The following ADGRB2 variants were observed in gnomAD, a reference collection of about 807,000 sequenced individuals.
ADGRB2 encodes the protein adhesion G protein-coupled receptor B2, also known as brain-specific angiogenesis inhibitor 2.
A neutral mutation model predicts 178.7 loss-of-function variants in ADGRB2; 47 were observed. The observed-to-expected ratio is 0.26, with a 90% CI of 0.21 to 0.34. The LOEUF (loss-of-function observed/expected upper bound fraction) is 0.34. Among genes scored for constraint, ADGRB2 ranks in the 10% least tolerant of loss-of-function variants. The pLI is 1.00. For missense variants in ADGRB2, 1,584 were observed against 2,180.8 expected (o/e 0.73, Z 5.45); for synonymous variants, 870 against 912.4 (o/e 0.95, Z 0.84).
At position 31,735,731 on chromosome 1, in the gene ADGRB2, C is replaced by T. The variant is rs1645569844; in HGVS notation, c.3268-66G>A. The T allele has an allele frequency of 1.3e-6, 2 of 1,575,054 alleles. No individual in the cohort carries two copies. The highest frequency in any genetic ancestry group is 2.7e-5 in the African/African-American group (2 of 74,308). ...CAGGTGCCCTCCTGGCAGGGAAATCCCCATGTGGGAGCTGGAGCGCAGGGA... is the reference window on the plus strand; with the variant it reads ...CAGGTGCCCTCCTGGCAGGGAAATCTCCATGTGGGAGCTGGAGCGCAGGGA... On this transcript the variant is annotated intron_variant, in intron 23 of 32. Transcript: ENST00000373658. The surrounding 1 kb of genome is among the most constrained non-coding windows in gnomAD (Gnocchi z 6.0).
At position 31,738,336 on chromosome 1, in the gene ADGRB2, G is replaced by A. The variant is rs962257500; in HGVS notation, c.2646-10C>T. 3.1e-6 allele frequency: 5 copies of A among 1,609,198 alleles called. No individual in the cohort carries two copies. The highest frequency in any genetic ancestry group is 4.2e-6 in the Non-Finnish European group (5 of 1,179,830). On this transcript the variant is annotated splice_polypyrimidine_tract_variant and intron_variant, in intron 17 of 32. Coordinates refer to ENST00000373658, the MANE Select transcript of ADGRB2 (RefSeq NM_001364857.2). ...TCCTGAGCTGGCATCTCTTGGGTAG[G>A]GGAGAGATTCAGTGAGCCCCAGGCC...
rs150789313 is a variant in ADGRB2, at chr1:31,755,402, C to G, written c.838+597G>C. 5.3e-3 allele frequency among the ~76,000 whole-genome samples: 814 copies of G among 152,260 alleles called. 8 individuals are homozygous for G. Among genetic ancestry groups the G allele is most frequent in the African/African-American group, 0.019 (781 of 41,552 alleles). On this transcript the variant is annotated intron_variant, in intron 4 of 32. Transcript: ENST00000373658. The surrounding 1 kb of genome is among the most constrained non-coding windows in gnomAD (Gnocchi z 5.1). ...GGGTCCTGAGGGGGAAGACGGGACACTGGGAGCTGAGCCAGCCCAGCCCTC... is the reference window on the plus strand; with the variant it reads ...GGGTCCTGAGGGGGAAGACGGGACAGTGGGAGCTGAGCCAGCCCAGCCCTC...
chr1:31,728,570 C>T lies in ADGRB2; in HGVS notation c.4416+28G>A. On this transcript the variant is annotated intron_variant, in intron 30 of 32. Transcript: ENST00000373658. This position sits in a 1 kb window ranked among gnomAD's most constrained non-coding sequence, Gnocchi z 6.7. ...GGACAGACACCACAGCCAGATGTCC[C>T]ACCGCCCAGCACACACATGGCCCTT... is the stretch of plus-strand genomic sequence containing the variant. 6.2e-7 allele frequency: 1 copy of T among 1,614,026 alleles called. No homozygotes were observed. The highest frequency in any genetic ancestry group is 1.1e-5 in the South Asian group (1 of 91,068).
rs1165459215 is a variant in ADGRB2, at chr1:31,742,981, C to G, written c.1109G>C (p.Trp370Ser). The G allele has an allele frequency of 6.6e-7, 1 of 1,523,932 alleles. No individual in the cohort carries two copies. The highest frequency in any genetic ancestry group is 8.8e-7 in the Non-Finnish European group (1 of 1,133,856). 94.4% of individuals were successfully genotyped at this position (1,523,932 alleles called of 1,614,324 possible). A position where few individuals can be genotyped will look rare whatever the true frequency, so the allele number is the denominator to read the frequency against. Residue 370 changes from tryptophan to serine, a missense_variant, in exon 7 of 33, where the codon TGG (tryptophan) becomes TCG (serine). Trp to Ser is a radical substitution (Grantham distance 177). This residue lies in a region of ADGRB2 where 657 missense variants were observed against 847.6 expected (regional missense o/e 0.78). Coordinates refer to ENST00000373658, the MANE Select transcript of ADGRB2 (RefSeq NM_001364857.2). ...GCGGGAGCACAGGCTCCAGGACCCC[C>G]ACTCCTCCCACACGCCGTGCACTGC... Reference protein sequence around the residue: ...TCPVHGVWEEWGSWSLCSRSC... With the variant: ...TCPVHGVWEESGSWSLCSRSC...
Position 31,755,920 on chromosome 1 carries a change from G to A in ADGRB2, c.838+79C>T, listed in dbSNP as rs1013272352. 55 of 1,525,628 alleles carry A rather than the reference G, an allele frequency of 3.6e-5. 1 individual carries two copies. The Middle Eastern group carries it at 5.6e-4, about 15-fold the overall frequency. 94.5% of individuals were successfully genotyped at this position (1,525,628 alleles called of 1,614,324 possible). On this transcript the variant is annotated intron_variant, in intron 4 of 32. Transcript: ENST00000373658. This position sits in a 1 kb window ranked among gnomAD's most constrained non-coding sequence, Gnocchi z 5.1. ...TCAGTGAACAGCTACATGCATGGCC[G>A]AGGATCTGCCAGGATGGACACCAGG...
chr1:31,750,613 C>T (rs1646516981), intron 4 of ADGRB2, among the ~76,000 whole-genome samples: 1 of 152,116 alleles, frequency 6.6e-6, no homozygotes, highest in Admixed American at 6.5e-5. Context: ...ACAAAGCAAT[C>T]GTCCCTTCCC....
chr1:31,731,361 G>A lies in ADGRB2; in HGVS notation c.3819C>T (p.Arg1273=). ...GCTCCTCATCCTCATCCAGGGACAG[G>A]CGGGATAGTGTGCCCGTGATGGTGG... ...NPSTITGTLS[R]LSLDEDEEPK... is the part of the protein sequence containing the mutation. Residue 1273 remains arginine (R), a synonymous_variant, in exon 29 of 33, where the codon CGC becomes CGT. Transcript: ENST00000373658. The A allele has an allele frequency of 6.2e-7, 1 of 1,612,536 alleles. No individual in the cohort carries two copies. The highest frequency in any genetic ancestry group is 1.7e-4 in the Middle Eastern group (1 of 6,058).
chr1:31,750,462 G>A (rs1171592574), intron 4 of ADGRB2, among the ~76,000 whole-genome samples: 2 of 152,140 alleles, frequency 1.3e-5, no homozygotes, highest in African/African-American at 2.4e-5. Context: ...GCACAGGACT[G>A]CAGATACCTG....
At chr1:31,732,792 G>C (rs949633003) in intron 26 of ADGRB2, among the ~76,000 whole-genome samples, 180 bp from the exon 27 acceptor site, 2 of 152,258 alleles carry the variant, frequency 1.3e-5, no homozygotes, top group African/African-American at 4.8e-5. Flanking sequence ...GGAGGCCAAG[G>C]ATAAGCATAA....
At chr1:31,736,765 G>C in intron 20 of ADGRB2, 42 bp from the exon 21 acceptor site, 1 of 1,593,324 alleles carries the variant, frequency 6.3e-7, no homozygotes, top group Non-Finnish European at 8.6e-7. Flanking sequence ...CTGAGCAGCC[G>C]CCAGGGCAGG....
Position 31,739,438 on chromosome 1 carries a change from G to A in ADGRB2, c.2365C>T (p.Pro789Ser), listed in dbSNP as rs1239875878. 2 of 1,590,306 alleles carry A rather than the reference G, an allele frequency of 1.3e-6. No individual in the cohort carries two copies. Among genetic ancestry groups the A allele is most frequent in the Non-Finnish European group, 1.7e-6 (2 of 1,168,884 alleles). ...AAGSPGRGRG[P>S]GTVPPGPGHS... is the part of the protein sequence containing the mutation. The stretch of plus-strand genomic sequence containing the variant: ...CCTGGGCCAGGAGGCACCGTTCCTG[G>A]GCCCCTCCCCCTGCCAGGGCTGCCT... The change falls in exon 15 of 33, where the codon CCA becomes TCA. Residue 789 changes from proline to serine, a missense_variant. By Grantham distance (74) the Pro-to-Ser change is moderately conservative. Transcript: ENST00000373658.
Position 31,732,173 on chromosome 1 carries a change from G to A in ADGRB2, c.3721-19C>T. 3 of 1,614,068 alleles carry A rather than the reference G, an allele frequency of 1.9e-6. No homozygotes were observed. The highest frequency in any genetic ancestry group is 1.7e-6 in the Non-Finnish European group (2 of 1,179,960). On this transcript the variant is annotated intron_variant, in intron 27 of 32. Coordinates refer to ENST00000373658, the MANE Select transcript of ADGRB2 (RefSeq NM_001364857.2). ...AGTCTGACTATAGGCAGAAAGGGAG[G>A]GGCAGGTGGGCAGAGGGAGGATTAA...
rs1647026615 is a variant in ADGRB2 at position 31,761,010 on chromosome 1, C to A, written c.-191+2874G>T. On this transcript the variant is annotated intron_variant, in intron 1 of 32. Coordinates refer to ENST00000373658, the MANE Select transcript of ADGRB2 (RefSeq NM_001364857.2). This position sits in a 1 kb window ranked among gnomAD's most constrained non-coding sequence, Gnocchi z 4.2. The stretch of plus-strand genomic sequence containing the variant: ...TGGAAGGGGGACAAGGGGCAGCCCT[C>A]GGCCCCTGGGGGCGGTGCCGCGCGG... 1 of 151,132 alleles carries A rather than the reference C, an allele frequency of 6.6e-6. No individual in the cohort carries two copies. The highest frequency in any genetic ancestry group is 1.5e-5 in the Non-Finnish European group (1 of 67,750). The allele number at this position is 151,132 out of a possible 1,614,324, so 9.4% of individuals were successfully genotyped here.
chr1:31,744,987 G>A lies in ADGRB2; in HGVS notation c.839-256C>T, dbSNP rs1646200407. 6.6e-6 allele frequency among the ~76,000 whole-genome samples: 1 copy of A among 152,212 alleles called. No individual in the cohort carries two copies. The highest frequency in any genetic ancestry group is 2.4e-5 in the African/African-American group (1 of 41,446). On this transcript the variant is annotated intron_variant, in intron 4 of 32. Transcript: ENST00000373658. The surrounding 1 kb of genome is among the most constrained non-coding windows in gnomAD (Gnocchi z 6.7). ...TCCACCTCTTGCCTCAGCCAGATGT[G>A]GGGGAGATTTAAGGGGCATGGCTGC...
Position 31,737,537 on chromosome 1 carries a change from G to A in ADGRB2, c.2877-6C>T, listed in dbSNP as rs536961163. 9.0e-5 allele frequency: 146 copies of A among 1,613,656 alleles called. No homozygotes were observed. Among genetic ancestry groups the A allele is most frequent in the Non-Finnish European group, 1.1e-4 (133 of 1,179,586 alleles). ...AGCGTTCAGATTTTATGAACCTGCC[G>A]GGGCACAGCAGGCAGGGACAGAGGC... On this transcript the variant is annotated splice_region_variant and splice_polypyrimidine_tract_variant and intron_variant, in intron 19 of 32. Coordinates refer to ENST00000373658, the MANE Select transcript of ADGRB2 (RefSeq NM_001364857.2).
rs753605497 is a variant in ADGRB2, at chr1:31,738,866, G to A, written c.2567C>T (p.Pro856Leu). The A allele has an allele frequency of 3.3e-5, 54 of 1,613,902 alleles. No homozygotes were observed. The highest frequency in any genetic ancestry group is 4.5e-5 in the Non-Finnish European group (53 of 1,180,024). The change falls in exon 16 of 33, where the codon CCC becomes CTC. Residue 856 changes from proline (P) to leucine (L), a missense_variant. Coordinates refer to ENST00000373658, the MANE Select transcript of ADGRB2 (RefSeq NM_001364857.2). The part of the protein sequence containing the change: ...VRPPTQPPAE[P>L]LITVELSYII... ...GTAGGAGAGCTCCACAGTGATGAGG[G>A]GCTCAGCTGGAGGCTGGGTAGGGGG...
intron 1 of ADGRB2, among the ~76,000 whole-genome samples, chr1:31,763,242 G>A (rs1259378786): frequency 6.6e-6 from 1 of 151,798 alleles, no homozygotes; most frequent in African/African-American, 2.4e-5. Flanking sequence ...CAAGCTGAGG[G>A]GAGGGGACTT....
At chr1:31,742,737 G>A in intron 7 of ADGRB2, 101 bp downstream of exon 7, 1 of 1,321,356 alleles carries the variant, frequency 7.6e-7, no homozygotes, top group Non-Finnish European at 9.8e-7. Context: ...AGTTTAAGGG[G>A]CCCCCAGGGG....
chr1:31,732,758 G>C, intron 26 of ADGRB2, 146 bp from the exon 27 acceptor site: 1 of 1,123,100 alleles, frequency 8.9e-7, no homozygotes, highest in South Asian at 1.4e-5. Flanking sequence ...ACCTGGGCAG[G>C]GTGCAACGGG....
Sources: allele counts gnomAD v4.1 joint callset (sites outside exome capture counted in the v4.1 genomes callset), GRCh38; gene constraint gnomAD v4.1.1; regional missense constraint gnomAD v4.1.1; non-coding constraint Gnocchi (gnomAD v3.1); transcripts MANE v1.5; gene names NCBI Gene and HGNC (gene_info 2026-07-23, HGNC 2026-07-21).